The following CBLL1 variants were observed in gnomAD, a reference collection of about 807,000 sequenced individuals.
The protein encoded by CBLL1 is Cbl proto-oncogene like 1.
In CBLL1, 4 loss-of-function variants were observed where a neutral mutation model predicts 44.9. The ratio of observed to expected loss-of-function variants is 0.09; its 90% CI spans 0.04 to 0.20. The LOEUF is 0.20. Among genes scored for constraint, CBLL1 ranks in the 10% least tolerant of loss-of-function variants. The pLI, the probability that CBLL1 is intolerant of heterozygous loss-of-function variation, is 1.00. For missense variants in CBLL1, 569 were observed against 636.7 expected, an observed-to-expected ratio of 0.89 and a Z score of 1.14; for synonymous variants, 235 against 202.2, an observed-to-expected ratio of 1.16 and a Z score of -1.38.
At chr7:107,753,054 G>T (rs936698798) in intron 2 of CBLL1, among the ~76,000 whole-genome samples, 3 of 152,194 alleles carry the variant, frequency 2.0e-5, no homozygotes, top group African/African-American at 7.2e-5. Context: ...TGTGCAACAA[G>T]CATGATCATC....
rs1793618567 is a variant in CBLL1 at position 107,758,212 on chromosome 7, A to C, written c.510A>C (p.Gln170His). The C allele has an allele frequency of 6.2e-7, 1 of 1,614,038 alleles. No homozygotes were observed. The highest frequency in any genetic ancestry group is 1.3e-5 in the African/African-American group (1 of 74,926). ...RGSLFMCSIV[Q>H]GCKRTYLSQR... ...CTCTCTTCATGTGTAGCATTGTTCA[A>C]GGGTGCAAGAGAACATATTTGTCTC... The change falls in exon 6 of 6, where the codon CAA (glutamine) becomes CAC (histidine). Residue 170 changes from glutamine (Q) to histidine (H), a missense_variant. Around this residue, in one of 5 missense-constraint regions of CBLL1, gnomAD observed 16 missense variants for 40.2 expected, o/e 0.40. Transcript: ENST00000440859. This position sits in a 1 kb window ranked among gnomAD's most constrained non-coding sequence, Gnocchi z 4.2.
chr7:107,749,134 T>C, intron 2 of CBLL1, 87 bp downstream of exon 2: 1 of 1,184,100 alleles, frequency 8.4e-7, no homozygotes, highest in Admixed American at 2.3e-5. Flanking sequence ...GCTACCTCTT[T>C]TTGTCTTACA....
rs547194440 is a variant in CBLL1, at chr7:107,744,542, C to G, written c.13+366C>G. 733 of 284,062 alleles carry G rather than the reference C, an allele frequency of 2.6e-3. 4 individuals are homozygous for G. Among genetic ancestry groups the G allele is most frequent in the Non-Finnish European group, 4.0e-3 (614 of 153,064 alleles). 17.6% of individuals were successfully genotyped at this position (284,062 alleles called of 1,614,324 possible). A position where few individuals can be genotyped will look rare whatever the true frequency, so the allele number is the denominator to read the frequency against. Reference sequence around the variant, plus strand: ...GGCGGGTAGATTGCGGTCTCCGAGTCGCGGAATCCTCTTTACGCTGGGAGT... The same window carrying G: ...GGCGGGTAGATTGCGGTCTCCGAGTGGCGGAATCCTCTTTACGCTGGGAGT... On this transcript the variant is annotated intron_variant, in intron 1 of 5. Transcript: ENST00000440859.
chr7:107,753,289 A>G (rs1335911769), intron 2 of CBLL1, 122 bp from the exon 3 acceptor site: 2 of 605,606 alleles, frequency 3.3e-6, no homozygotes, highest in Admixed American at 7.1e-5. Context: ...TTATTCTTAG[A>G]AAAGCTTTGA....
In CBLL1 at chr7:107,758,110, T is replaced by C; in HGVS notation, c.441-33T>C. The C allele has an allele frequency of 5.2e-6, 8 of 1,527,070 alleles. No individual in the cohort carries two copies. Among genetic ancestry groups the C allele is most frequent in the Non-Finnish European group, 7.0e-6 (8 of 1,135,308 alleles). 94.6% of individuals were successfully genotyped at this position (1,527,070 alleles called of 1,614,324 possible). A position where few individuals can be genotyped will look rare whatever the true frequency, so the allele number is the denominator to read the frequency against. ...TTACATAATTTTTTGTATTCTCTTT[T>C]AGTAAATCACATTTCTTTCCCTTCT... On this transcript the variant is annotated intron_variant, in intron 5 of 5. Coordinates refer to ENST00000440859, the MANE Select transcript of CBLL1 (RefSeq NM_024814.4). This position sits in a 1 kb window ranked among gnomAD's most constrained non-coding sequence, Gnocchi z 4.2.
At position 107,759,510 on chromosome 7, in the gene CBLL1, C is replaced by T. The variant is rs1793680448; in HGVS notation, c.*332C>T. ...CTTCAAAAGTATTGTTTTGTTAAAC[C>T]CAACGTTTAGTTTTTCTTGTGATAC... On this transcript the variant is annotated 3_prime_UTR_variant, in exon 6 of 6. Coordinates refer to ENST00000440859, the MANE Select transcript of CBLL1 (RefSeq NM_024814.4). 1 of 196,002 alleles carries T rather than the reference C, an allele frequency of 5.1e-6. No homozygotes were observed. The highest frequency in any genetic ancestry group is 2.3e-5 in the African/African-American group (1 of 42,978). The allele number at this position is 196,002 out of a possible 1,614,324, so 12.1% of individuals were successfully genotyped here. A position where few individuals can be genotyped will look rare whatever the true frequency, so the allele number is the denominator to read the frequency against.
At chr7:107,749,078 C>T in intron 2 of CBLL1, 31 bp downstream of exon 2, 1 of 1,602,284 alleles carries the variant, frequency 6.2e-7, no homozygotes, top group Admixed American at 1.7e-5. Context: ...GTCCAACACT[C>T]TTTCTGTTTT....
chr7:107,751,618 G>C (rs555479727), intron 2 of CBLL1, among the ~76,000 whole-genome samples: 1 of 152,190 alleles, frequency 6.6e-6, no homozygotes, highest in South Asian at 2.1e-4. Context: ...CTCTAATTTA[G>C]GGTCACTCCT....
Position 107,758,689 on chromosome 7 carries a change from G to T in CBLL1, c.987G>T (p.Ser329=), listed in dbSNP as rs372020019. The T allele has an allele frequency of 2.0e-5, 33 of 1,613,480 alleles. No homozygotes were observed. The Middle Eastern group carries it at 4.9e-4, about 24-fold the overall frequency. ...AATATCAGGGTCAACCAGTGGTATCGCACCCTCATCATATTATGCCTCCAC... is the reference window on the plus strand; with the variant it reads ...AATATCAGGGTCAACCAGTGGTATCTCACCCTCATCATATTATGCCTCCAC... ...HPEYQGQPVV[S]HPHHIMPPQQ... The change falls in exon 6 of 6, where the codon TCG becomes TCT. Residue 329 remains serine (S), a synonymous_variant. Transcript: ENST00000440859. The surrounding 1 kb of genome is among the most constrained non-coding windows in gnomAD (Gnocchi z 4.2).
rs1290418014 is a variant in CBLL1, at chr7:107,744,232, G to A, written c.13+56G>A. On this transcript the variant is annotated intron_variant, in intron 1 of 5. Transcript: ENST00000440859. Reference sequence around the variant, plus strand: ...TTCCAAGCCCCCTTGGCCGGCCTGGGGCTGGTCGCACAGCAGGCAAAAGGG... The same window carrying A: ...TTCCAAGCCCCCTTGGCCGGCCTGGAGCTGGTCGCACAGCAGGCAAAAGGG... The A allele has an allele frequency of 8.0e-6, 12 of 1,507,936 alleles. No homozygotes were observed. The African/African-American group carries it at 1.5e-4, about 19-fold the overall frequency. The allele number at this position is 1,507,936 out of a possible 1,614,324, so 93.4% of individuals were successfully genotyped here. A position where few individuals can be genotyped will look rare whatever the true frequency, so the allele number is the denominator to read the frequency against.
chr7:107,751,151 G>C (rs962573048), intron 2 of CBLL1, among the ~76,000 whole-genome samples: 5 of 152,178 alleles, frequency 3.3e-5, no homozygotes, highest in Non-Finnish European at 7.3e-5. Context: ...GGTGCGGGGA[G>C]TGGTTTCGGG....
In CBLL1 at chr7:107,758,289, C is replaced by A. The variant is rs898074159; in HGVS notation, c.587C>A (p.Pro196His). 1 of 1,613,986 alleles carries A rather than the reference C, an allele frequency of 6.2e-7. No homozygotes were observed. Among genetic ancestry groups the A allele is most frequent in the Non-Finnish European group, 8.5e-7 (1 of 1,180,014 alleles). ...CATCGCCATATGAGAGCTGGAAAAC[C>A]TGTTACCCGTGCTTCACTTGAAAAT... ...INHRHMRAGK[P>H]VTRASLENVH... The change falls in exon 6 of 6, where the codon CCT becomes CAT. Residue 196 changes from proline to histidine, a missense_variant. Pro to His is a moderately conservative substitution (Grantham distance 77, BLOSUM62 -2). This residue lies in a region of CBLL1 where 16 missense variants were observed against 40.2 expected (regional missense o/e 0.40). Transcript: ENST00000440859. This position sits in a 1 kb window ranked among gnomAD's most constrained non-coding sequence, Gnocchi z 4.2.
chr7:107,752,568 G>A (rs1403712624), intron 2 of CBLL1: 4 of 1,289,584 alleles, frequency 3.1e-6, no homozygotes, highest in Non-Finnish European at 4.0e-6. Context: ...AGAGTCGTGA[G>A]AAGCCTGGCT....
At chr7:107,751,514 T>C (rs78803903) in intron 2 of CBLL1, among the ~76,000 whole-genome samples, 2,699 of 152,376 alleles carry the variant, frequency 0.018, 94 homozygotes, top group African/African-American at 0.061. Flanking sequence ...TGGTTTCTTT[T>C]ATCGTAGGGT....
Position 107,758,517 on chromosome 7 carries a change from CTCCACCTCGATCGGTCAG to C in CBLL1, c.818_835del (p.Pro273_Ser278del). 1.2e-6 allele frequency: 2 copies of C among 1,614,148 alleles called. No individual in the cohort carries two copies. Among genetic ancestry groups the C allele is most frequent in the Non-Finnish European group, 1.7e-6 (2 of 1,180,026 alleles). Reference sequence around the variant, plus strand: ...CCAGCAGAATTGTCCATGGCTCCACCTCCACCTCGATCGGTCAGTCAGGAAACCTTTCGTATTTCAACA... The same window carrying C: ...CCAGCAGAATTGTCCATGGCTCCACCTCAGGAAACCTTTCGTATTTCAACA... On this transcript the variant is annotated inframe_deletion, in exon 6 of 6. Coordinates refer to ENST00000440859, the MANE Select transcript of CBLL1 (RefSeq NM_024814.4). This position sits in a 1 kb window ranked among gnomAD's most constrained non-coding sequence, Gnocchi z 4.2.
chr7:107,756,474 A>G (rs1793533038), intron 5 of CBLL1, among the ~76,000 whole-genome samples: 1 of 152,136 alleles, frequency 6.6e-6, no homozygotes, highest in East Asian at 1.9e-4. Context: ...TTTTGTTTAT[A>G]GAATTATAAT....
intron 5 of CBLL1, among the ~76,000 whole-genome samples, chr7:107,757,831 A>G (rs1793598148): frequency 6.6e-6 from 1 of 152,062 alleles, no homozygotes; most frequent in Non-Finnish European, 1.5e-5. Context: ...TTTTTGGCAA[A>G]TGGATGCAGA....
At chr7:107,756,210 G>A (rs1793521032) in intron 5 of CBLL1, among the ~76,000 whole-genome samples, 2 of 152,266 alleles carry the variant, frequency 1.3e-5, no homozygotes, top group South Asian at 4.1e-4. Context: ...TACTTGCTTG[G>A]AGTAGCCATA....
chr7:107,750,812 A>G (rs566843340), intron 2 of CBLL1, among the ~76,000 whole-genome samples: 1 of 152,238 alleles, frequency 6.6e-6, no homozygotes, highest in East Asian at 1.9e-4. Flanking sequence ...TCATTTAAGT[A>G]TTATCTATGG....
Sources: gnomAD v4.1 joint callset for allele counts (sites outside exome capture counted in the v4.1 genomes callset) on GRCh38, gnomAD v4.1.1 for gene constraint, gnomAD v4.1.1 regional missense constraint, Gnocchi (gnomAD v3.1) non-coding constraint, MANE v1.5 for transcripts, NCBI Gene and HGNC (gene_info 2026-07-23, HGNC 2026-07-21) for gene names.